Variants in AFF3 observed in about 807,000 individuals in gnomAD.
The protein encoded by AFF3 is ALF transcription elongation factor 3, also known as AF4/FMR2 family member 3.
AFF3 carries 32 observed loss-of-function variants against 129.7 expected under a neutral mutation model. That is an observed-to-expected ratio of 0.25 (90% CI 0.19 to 0.33). The LOEUF (loss-of-function observed/expected upper bound fraction) is 0.33, where lower values mean the gene tolerates loss of function less well. Ranked by LOEUF, AFF3 falls within the 10% of genes least tolerant of loss-of-function variation. The pLI is 1.00. For synonymous variants in AFF3, 644 were observed against 635.4 expected (o/e 1.01, Z -0.20); for missense variants, 1,373 against 1,592.0 (o/e 0.86, Z 2.34).
chr2:99,653,879 CT>C (rs1460963714), intron 12 of AFF3, among the ~76,000 whole-genome samples: 10 of 31,790 alleles, frequency 3.1e-4, no homozygotes, highest in South Asian at 1.7e-3. Context: ...TGCTTTTTTT[CT>C]TTTTTTTTTT....
chr2:99,929,918 CT>C (rs550584146), intron 7 of AFF3, among the ~76,000 whole-genome samples: 7,864 of 141,456 alleles, frequency 0.056, 618 homozygotes, highest in African/African-American at 0.18. Context: ...GAATTTTTAG[CT>C]TTTTTTTTTT....
intron 11 of AFF3, among the ~76,000 whole-genome samples, chr2:99,704,030 A>T (rs868240841): frequency 6.6e-6 from 1 of 152,194 alleles, no homozygotes; most frequent in Non-Finnish European, 1.5e-5. Context: ...TAGAGACCTT[A>T]CCTCCATTTA....
chr2:99,685,171 C>G (rs1674931721), intron 11 of AFF3, among the ~76,000 whole-genome samples: 1 of 151,678 alleles, frequency 6.6e-6, no homozygotes, highest in Non-Finnish European at 1.5e-5. Context: ...AAACTACTGA[C>G]CTCAAGTGAT....
At chr2:100,109,405 A>C in intron 2 of AFF3, among the ~76,000 whole-genome samples, 1 of 147,344 alleles carries the variant, frequency 6.8e-6, no homozygotes, top group South Asian at 2.3e-4. Context: ...GGCAGGAAGG[A>C]CATTTACTTT....
rs185172975 is a variant in AFF3, at chr2:99,821,798, C to T, written c.921+15679G>A. On this transcript the variant is annotated intron_variant, in intron 8 of 24. Coordinates refer to ENST00000672756, the MANE Select transcript of AFF3 (RefSeq NM_001386135.1). Reference sequence around the variant, plus strand: ...TCGTGATGACCAAAACATTGTTATGCGGCACATGACTATTTCTAAGCTCAC... The same window carrying T: ...TCGTGATGACCAAAACATTGTTATGTGGCACATGACTATTTCTAAGCTCAC... 4.3e-4 allele frequency among the ~76,000 whole-genome samples: 66 copies of T among 152,230 alleles called. 1 individual carries two copies. Among genetic ancestry groups the T allele is most frequent in the Admixed American group, 8.5e-4 (13 of 15,286 alleles).
chr2:99,738,595 A>G (rs1441502746), intron 10 of AFF3, among the ~76,000 whole-genome samples: 2 of 152,012 alleles, frequency 1.3e-5, no homozygotes, highest in African/African-American at 4.8e-5. Context: ...TTTTGGCGTC[A>G]CTGGTTATAT....
intron 13 of AFF3, among the ~76,000 whole-genome samples, chr2:99,640,682 T>C (rs1013846627): frequency 2.6e-5 from 4 of 152,156 alleles, no homozygotes; most frequent in African/African-American, 9.7e-5. Context: ...ATAATTTGTA[T>C]TCTTGGTCTT....
chr2:99,607,424 C>A (rs534249986), intron 13 of AFF3, among the ~76,000 whole-genome samples: 2 of 151,314 alleles, frequency 1.3e-5, no homozygotes, highest in Non-Finnish European at 2.9e-5. Context: ...CCCAGCAACT[C>A]GGGAGGCTGA....
At chr2:100,059,936 G>A (rs1687120812) in intron 4 of AFF3, among the ~76,000 whole-genome samples, 2 of 152,102 alleles carry the variant, frequency 1.3e-5, no homozygotes, top group African/African-American at 4.8e-5. Context: ...CATGATGCGT[G>A]TCTTTAAGAT....
chr2:99,814,733 G>A (rs766510376), intron 8 of AFF3, among the ~76,000 whole-genome samples: 27 of 151,772 alleles, frequency 1.8e-4, no homozygotes, highest in Non-Finnish European at 2.8e-4. Flanking sequence ...AGAGAGAAGG[G>A]GCAACCATGT....
chr2:99,845,700 C>T (rs139679469), intron 7 of AFF3, among the ~76,000 whole-genome samples: 157 of 152,264 alleles, frequency 1.0e-3, no homozygotes, highest in African/African-American at 3.6e-3. Flanking sequence ...AAGAAGATCA[C>T]ACAGGTTCAG....
At chr2:100,028,029 C>T (rs1684186111) in intron 4 of AFF3, among the ~76,000 whole-genome samples, 1 of 152,140 alleles carries the variant, frequency 6.6e-6, no homozygotes, top group South Asian at 2.1e-4. Context: ...TGATAAATAT[C>T]TGAAAACTGC....
chr2:99,620,746 C>T (rs1258232053), intron 13 of AFF3, among the ~76,000 whole-genome samples: 14 of 152,278 alleles, frequency 9.2e-5, no homozygotes, highest in Middle Eastern at 3.4e-3. Context: ...GTTTGGGTCA[C>T]GGGGGAGGAT....
At chr2:100,008,393 A>G (rs979023271) in intron 5 of AFF3, among the ~76,000 whole-genome samples, 1 of 152,236 alleles carries the variant, frequency 6.6e-6, no homozygotes, top group East Asian at 1.9e-4. Flanking sequence ...TTTCTTTCTC[A>G]TTAGCCCTAA....
intron 2 of AFF3, among the ~76,000 whole-genome samples, chr2:100,112,698 G>A (rs77319656): frequency 0.026 from 3,890 of 152,044 alleles, 88 homozygotes; most frequent in Middle Eastern, 0.044. Flanking sequence ...TCCAATGGAA[G>A]AAAAAAAGAA....
At chr2:99,790,575 G>T (rs1685124425) in intron 8 of AFF3, among the ~76,000 whole-genome samples, 1 of 152,144 alleles carries the variant, frequency 6.6e-6, no homozygotes. Flanking sequence ...TTTATAGCAG[G>T]TTTCAAACAG....
At chr2:99,571,203 C>G (rs536479892) in intron 18 of AFF3, among the ~76,000 whole-genome samples, 1 of 152,134 alleles carries the variant, frequency 6.6e-6, no homozygotes, top group African/African-American at 2.4e-5. Context: ...GGTGCAGCAT[C>G]GCATCCAATG....
intron 7 of AFF3, among the ~76,000 whole-genome samples, chr2:99,965,119 G>T (rs139524042): frequency 6.6e-6 from 1 of 152,152 alleles, no homozygotes; most frequent in Admixed American, 6.5e-5. Flanking sequence ...TAAACCACGC[G>T]AAATGAACAG....
intron 4 of AFF3, among the ~76,000 whole-genome samples, chr2:100,034,739 T>C (rs1684773856): frequency 6.6e-6 from 1 of 152,176 alleles, no homozygotes; most frequent in African/African-American, 2.4e-5. Context: ...CAGAAAGGTC[T>C]ACATGGAATA....
Sources: gnomAD v4.1 joint callset for allele counts (sites outside exome capture counted in the v4.1 genomes callset) on GRCh38, gnomAD v4.1.1 for gene constraint, MANE v1.5 for transcripts, NCBI Gene and HGNC (gene_info 2026-07-23, HGNC 2026-07-21) for gene names.